The following VPS13A variants were observed in gnomAD, a reference collection of about 807,000 sequenced individuals.
VPS13A encodes the protein vacuolar protein sorting 13 homolog A.
VPS13A carries 264 observed loss-of-function variants against 390.9 expected under a neutral mutation model. The observed-to-expected ratio is 0.68, with a 90% CI of 0.61 to 0.75. The LOEUF is 0.75. VPS13A is among the 30% of genes least tolerant of loss of function. VPS13A has a pLI of 0.00. For synonymous variants in VPS13A, 1,231 were observed against 1,227.1 expected (o/e 1.00, Z -0.07); for missense variants, 3,409 against 3,733.9 (o/e 0.91, Z 2.27).
chr9:77,205,373 T>G lies in VPS13A; in HGVS notation c.248T>G (p.Leu83Trp), dbSNP rs1422158852. The change falls in exon 4 of 72, where the codon TTG (leucine) becomes TGG (tryptophan). Residue 83 changes from leucine (L) to tryptophan (W), a missense_variant. Transcript: ENST00000360280. ...TATACTCAACCTGTTGAAGCCGTAT[T>G]GGAAGAAATTTATTTACTTATAGTG... The part of the protein sequence containing the change: ...NLYTQPVEAV[L>W]EEIYLLIVPS... The G allele has an allele frequency of 1.3e-6, 2 of 1,482,376 alleles. No individual in the cohort carries two copies. The highest frequency in any genetic ancestry group is 1.4e-5 in the African/African-American group (1 of 70,898). 91.8% of individuals were successfully genotyped at this position (1,482,376 alleles called of 1,614,324 possible).
chr9:77,266,017 A>T (rs1445254198), intron 23 of VPS13A, among the ~76,000 whole-genome samples: 1 of 152,178 alleles, frequency 6.6e-6, no homozygotes, highest in Admixed American at 6.5e-5. Context: ...ATTGGTTTCA[A>T]AGAACTTACT....
intron 68 of VPS13A, among the ~76,000 whole-genome samples, chr9:77,397,567 A>G (rs1834170095): frequency 6.6e-6 from 1 of 152,138 alleles, no homozygotes; most frequent in African/African-American, 2.4e-5. Flanking sequence ...TATTTTTGTT[A>G]AGGGATTCTG....
Position 77,321,626 on chromosome 9 carries a change from G to A in VPS13A, c.5710G>A (p.Ala1904Thr), listed in dbSNP as rs752733672. The A allele has an allele frequency of 6.2e-7, 1 of 1,613,280 alleles. No homozygotes were observed. Among genetic ancestry groups the A allele is most frequent in the Non-Finnish European group, 8.5e-7 (1 of 1,179,552 alleles). Residue 1904 changes from alanine (A) to threonine (T), a missense_variant, in exon 44 of 72, where the codon GCA (alanine) becomes ACA (threonine). Physicochemically the swap from Ala to Thr is moderately conservative, Grantham distance 58. This residue lies in a region of VPS13A where 2,717 missense variants were observed against 2,917.4 expected (regional missense o/e 0.93). Coordinates refer to ENST00000360280, the MANE Select transcript of VPS13A (RefSeq NM_033305.3). ...DSFSVLNIPM[A>T]KSYVLKNGES... ...TTTTAGTGTACTCAACATTCCTATG[G>A]CAAAATCATATGTATTGAAAAATGG...
intron 71 of VPS13A, among the ~76,000 whole-genome samples, chr9:77,412,320 A>G (rs1256746003): frequency 6.6e-6 from 1 of 152,226 alleles, no homozygotes; most frequent in East Asian, 1.9e-4. Flanking sequence ...AATATCCCTG[A>G]TGAACATTGA....
At chr9:77,346,900 A>G (rs1831189125) in intron 52 of VPS13A, among the ~76,000 whole-genome samples, 2 of 152,184 alleles carry the variant, frequency 1.3e-5, no homozygotes, top group East Asian at 1.9e-4. Context: ...GGCCCTGGCC[A>G]GACTGGTCTC....
intron 45 of VPS13A, among the ~76,000 whole-genome samples, chr9:77,330,458 G>A (rs538145674): frequency 1.1e-4 from 16 of 151,978 alleles, no homozygotes; most frequent in South Asian, 2.1e-4. Flanking sequence ...AACTTTTTCC[G>A]CACTAAATTT....
At chr9:77,224,823 G>A (rs531114365) in intron 13 of VPS13A, among the ~76,000 whole-genome samples, 1 of 152,178 alleles carries the variant, frequency 6.6e-6, no homozygotes, top group African/African-American at 2.4e-5. Context: ...ATCAAACAGC[G>A]TTGTACGCTA....
intron 5 of VPS13A, among the ~76,000 whole-genome samples, chr9:77,207,216 TATATATATATATA>T (rs1825691450): frequency 2.3e-5 from 1 of 44,058 alleles, no homozygotes; most frequent in African/African-American, 1.2e-4. Context: ...TTAGATATTA[TATATATATATATA>T]TATATATATA....
At chr9:77,370,731 A>C (rs907081318) in intron 65 of VPS13A, 153 bp downstream of exon 65, 56 of 737,506 alleles carry the variant, frequency 7.6e-5, no homozygotes, top group African/African-American at 7.7e-5. Context: ...ACATGTCAGT[A>C]GCCTCTAAAA....
In VPS13A at chr9:77,316,156, T is replaced by A; in HGVS notation, c.4631-18T>A. On this transcript the variant is annotated intron_variant, in intron 38 of 71. Transcript: ENST00000360280. Reference sequence around the variant, plus strand: ...ATAATATATAGCAAATATTTTAATCTATTTTTATTTGTTTTAGTACCTACA... The same window carrying A: ...ATAATATATAGCAAATATTTTAATCAATTTTTATTTGTTTTAGTACCTACA... The A allele has an allele frequency of 6.9e-7, 1 of 1,448,806 alleles. No homozygotes were observed. The highest frequency in any genetic ancestry group is 9.5e-7 in the Non-Finnish European group (1 of 1,049,630). The allele number at this position is 1,448,806 out of a possible 1,614,324, so 89.7% of individuals were successfully genotyped here.
rs117821225 is a variant in VPS13A at position 77,376,098 on chromosome 9, A to G, written c.9077+4949A>G. On this transcript the variant is annotated intron_variant, in intron 67 of 71. Transcript: ENST00000360280. ...ATTTGAGGAGAGACCTGAAAGAAGT[A>G]AAGGGTGAGCCATGTGAGAAGAATG... is the stretch of plus-strand genomic sequence containing the variant. Among the ~76,000 whole-genome samples, 11 of 152,282 alleles carry G rather than the reference A, an allele frequency of 7.2e-5. No homozygotes were observed. The East Asian group carries it at 2.1e-3, about 29-fold the overall frequency.
At chr9:77,361,433 T>C (rs1049729846) in intron 59 of VPS13A, among the ~76,000 whole-genome samples, 20 of 152,128 alleles carry the variant, frequency 1.3e-4, no homozygotes, top group African/African-American at 4.6e-4. Flanking sequence ...CTTTTTATGG[T>C]TAAGTGATAT....
chr9:77,195,029 C>G (rs1824905949), intron 1 of VPS13A, among the ~76,000 whole-genome samples: 1 of 152,118 alleles, frequency 6.6e-6, no homozygotes, highest in Non-Finnish European at 1.5e-5. Flanking sequence ...GGTGTTATAT[C>G]CAAGAAATCA....
intron 68 of VPS13A, among the ~76,000 whole-genome samples, chr9:77,399,181 TAAAAAAA>T (rs1223344360): frequency 5.1e-4 from 18 of 35,002 alleles, no homozygotes; most frequent in South Asian, 1.1e-3. Flanking sequence ...AAAAAAAAAA[TAAAAAAA>T]AAAAAAAAAA....
At chr9:77,400,620 G>A (rs1261858002) in intron 68 of VPS13A, among the ~76,000 whole-genome samples, 2 of 151,722 alleles carry the variant, frequency 1.3e-5, no homozygotes, top group Non-Finnish European at 1.5e-5. Context: ...GAGGTCAGGA[G>A]ATCAAGATCC....
At chr9:77,307,581 A>AT (rs1027391613) in intron 34 of VPS13A, among the ~76,000 whole-genome samples, 3 of 152,196 alleles carry the variant, frequency 2.0e-5, no homozygotes, top group Non-Finnish European at 2.9e-5. Context: ...CAAATGTATC[A>AT]TTTTTTATTC....
intron 17 of VPS13A, among the ~76,000 whole-genome samples, chr9:77,229,997 A>G (rs1196480076): frequency 6.6e-6 from 1 of 151,710 alleles, no homozygotes; most frequent in Non-Finnish European, 1.5e-5. Flanking sequence ...TGTGGTTTTG[A>G]TTTGCATTTT....
chr9:77,322,495 GTGT>G (rs1415669006), intron 44 of VPS13A, among the ~76,000 whole-genome samples: 1 of 151,810 alleles, frequency 6.6e-6, no homozygotes, highest in African/African-American at 2.4e-5. Context: ...GGTGTTTCAG[GTGT>G]TGTCATAGCG....
intron 10 of VPS13A, among the ~76,000 whole-genome samples, chr9:77,215,801 C>T (rs1283366676): frequency 2.0e-5 from 3 of 152,216 alleles, no homozygotes; most frequent in African/African-American, 4.8e-5. Context: ...GCTGTGCCAG[C>T]AAAACCTGTT....
Sources: allele counts gnomAD v4.1 joint callset (sites outside exome capture counted in the v4.1 genomes callset), GRCh38; gene constraint gnomAD v4.1.1; regional missense constraint gnomAD v4.1.1; transcripts MANE v1.5; gene names NCBI Gene and HGNC (gene_info 2026-07-23, HGNC 2026-07-21).